The following CREBBP variants were observed in gnomAD, a reference collection of about 807,000 sequenced individuals.
CREBBP encodes CREB-binding protein.
In CREBBP, 19 loss-of-function variants were observed where a neutral mutation model predicts 265.0. The observed-to-expected ratio is 0.07, with a 90% CI of 0.05 to 0.11. The LOEUF is 0.11. Among genes scored for constraint, CREBBP ranks in the 10% least tolerant of loss-of-function variants. The pLI, the probability that CREBBP is intolerant of heterozygous loss-of-function variation, is 1.00. For missense variants in CREBBP, 2,525 were observed against 3,219.0 expected (o/e 0.78, Z 5.22); for synonymous variants, 1,457 against 1,223.7 (o/e 1.19, Z -3.98).
intron 1 of CREBBP, among the ~76,000 whole-genome samples, chr16:3,860,327 G>A (rs1044377100): frequency 5.3e-5 from 8 of 151,966 alleles, no homozygotes; most frequent in African/African-American, 1.7e-4. Flanking sequence ...ACCTACCCTC[G>A]AAAAACTTCC....
intron 28 of CREBBP, among the ~76,000 whole-genome samples, chr16:3,734,830 T>G (rs2052009854): frequency 6.6e-6 from 1 of 152,144 alleles, no homozygotes; most frequent in South Asian, 2.1e-4. Context: ...CTACAGCCCA[T>G]CCGGCACCCA....
intron 1 of CREBBP, among the ~76,000 whole-genome samples, chr16:3,874,171 G>C (rs1197325287): frequency 6.6e-6 from 1 of 152,204 alleles, no homozygotes; most frequent in African/African-American, 2.4e-5. Context: ...AAATTCGTCT[G>C]ATTTTAAATC....
At chr16:3,763,073 C>G (rs373066404) in intron 16 of CREBBP, among the ~76,000 whole-genome samples, 29 of 152,268 alleles carry the variant, frequency 1.9e-4, no homozygotes, top group African/African-American at 6.0e-4. Flanking sequence ...CACGCCCGGC[C>G]ACCCTGGTCA....
intron 27 of CREBBP, 100 bp downstream of exon 27, chr16:3,736,550 G>A (rs886159908): frequency 4.7e-6 from 7 of 1,502,108 alleles, no homozygotes; most frequent in African/African-American, 2.8e-5. Flanking sequence ...ATCCTCATAA[G>A]TGAAGGTAAT....
intron 8 of CREBBP, among the ~76,000 whole-genome samples, chr16:3,779,562 G>T (rs1259469344): frequency 1.3e-5 from 2 of 152,128 alleles, no homozygotes; most frequent in Non-Finnish European, 2.9e-5. Flanking sequence ...GAAATGCCAA[G>T]CCTCTCTTGC....
chr16:3,779,957 C>T (rs1245343493), intron 8 of CREBBP, among the ~76,000 whole-genome samples: 1 of 151,782 alleles, frequency 6.6e-6, no homozygotes, highest in Non-Finnish European at 1.5e-5. Context: ...ACAACAACAA[C>T]AACAAAAAGG....
chr16:3,879,228 A>ACGCG (rs201498562), intron 1 of CREBBP, among the ~76,000 whole-genome samples: 3 of 27,960 alleles, frequency 1.1e-4, no homozygotes, highest in African/African-American at 2.3e-4. Flanking sequence ...AAAAACACAC[A>ACGCG]CGCGCGCACA....
intron 2 of CREBBP, among the ~76,000 whole-genome samples, chr16:3,842,520 T>C (rs1226372944): frequency 6.6e-6 from 1 of 152,192 alleles, no homozygotes; most frequent in African/African-American, 2.4e-5. Flanking sequence ...AATAAAGAAA[T>C]TGTTTTTTCT....
intron 11 of CREBBP, among the ~76,000 whole-genome samples, chr16:3,775,590 T>A (rs996695118): frequency 2.0e-5 from 3 of 152,136 alleles, no homozygotes; most frequent in African/African-American, 7.2e-5. Context: ...TACCCTCAAA[T>A]AACGGAGTGC....
chr16:3,741,563 G>C (rs886305895), intron 23 of CREBBP: 1 of 151,408 alleles, frequency 6.6e-6, no homozygotes, highest in African/African-American at 2.4e-5. Flanking sequence ...CCAGCACTTT[G>C]GGAGGCCGAG....
chr16:3,755,315 G>A (rs112943222), intron 19 of CREBBP, among the ~76,000 whole-genome samples: 1 of 152,308 alleles, frequency 6.6e-6, no homozygotes, highest in East Asian at 1.9e-4. Context: ...GGTACCAACG[G>A]ACCCAGGAAC....
chr16:3,774,538 T>C, intron 12 of CREBBP, 31 bp downstream of exon 12: 3 of 1,613,626 alleles, frequency 1.9e-6, no homozygotes, highest in Non-Finnish European at 2.5e-6. Flanking sequence ...GAGGGAGGGC[T>C]ATCTGCAGCA....
intron 3 of CREBBP, among the ~76,000 whole-genome samples, chr16:3,798,141 G>A (rs1189522758): frequency 6.6e-6 from 1 of 152,216 alleles, no homozygotes; most frequent in Non-Finnish European, 1.5e-5. Flanking sequence ...GCAGAAGGAT[G>A]CAGGCAGCCT....
At chr16:3,874,913 C>A (rs916127156) in intron 1 of CREBBP, among the ~76,000 whole-genome samples, 5 of 152,218 alleles carry the variant, frequency 3.3e-5, no homozygotes, top group African/African-American at 1.2e-4. Flanking sequence ...CTTTTGCAAT[C>A]TTCAGAAACT....
chr16:3,777,321 C>T (rs374546103), intron 11 of CREBBP, among the ~76,000 whole-genome samples: 2 of 151,396 alleles, frequency 1.3e-5, no homozygotes, highest in East Asian at 3.9e-4. Context: ...GGCGACAGAG[C>T]GAGACTCCAT....
intron 20 of CREBBP, among the ~76,000 whole-genome samples, chr16:3,750,070 T>A (rs892234435): frequency 1.3e-5 from 2 of 152,118 alleles, no homozygotes; most frequent in Admixed American, 6.6e-5. Context: ...TGATTTTTTG[T>A]GGAGATGAGG....
chr16:3,738,740 A>C, intron 25 of CREBBP, 68 bp from the exon 26 acceptor site: 1 of 1,006,110 alleles, frequency 9.9e-7, no homozygotes, highest in Non-Finnish European at 1.6e-6. Flanking sequence ...CAAGCAACAA[A>C]CAACACCCTG....
chr16:3,799,138 A>G (rs1295909514), intron 3 of CREBBP, among the ~76,000 whole-genome samples: 2 of 152,240 alleles, frequency 1.3e-5, no homozygotes, highest in Non-Finnish European at 1.5e-5. Flanking sequence ...ATGGGGGTAG[A>G]AAGACTAGCG....
chr16:3,861,243 T>C (rs2055066764), intron 1 of CREBBP, among the ~76,000 whole-genome samples: 1 of 152,162 alleles, frequency 6.6e-6, no homozygotes, highest in South Asian at 2.1e-4. Context: ...CACTCCAGCC[T>C]GGGCAACAAG....
Sources: allele counts gnomAD v4.1 joint callset (sites outside exome capture counted in the v4.1 genomes callset), GRCh38; gene constraint gnomAD v4.1.1; transcripts MANE v1.5; gene names NCBI Gene and HGNC (gene_info 2026-07-23, HGNC 2026-07-21).